Variants in PRKCH observed in about 807,000 individuals in gnomAD.
PRKCH encodes the protein protein kinase C eta, also known as protein kinase C eta type.
PRKCH carries 28 observed loss-of-function variants against 82.5 expected under a neutral mutation model. The ratio of observed to expected loss-of-function variants is 0.34; its 90% CI spans 0.25 to 0.47. The LOEUF is 0.47. PRKCH is among the 20% of genes least tolerant of loss of function. The pLI is 1.00. For synonymous variants in PRKCH, 322 were observed against 327.4 expected, an observed-to-expected ratio of 0.98 and a Z score of 0.18; for missense variants, 705 against 881.8, an observed-to-expected ratio of 0.80 and a Z score of 2.54.
intron 10 of PRKCH, among the ~76,000 whole-genome samples, chr14:61,506,592 C>T (rs556245409): frequency 1.3e-5 from 2 of 152,246 alleles, no homozygotes; most frequent in East Asian, 3.9e-4. Flanking sequence ...TTCAGAATTC[C>T]ATGAAGGATG....
At chr14:61,524,595 A>G (rs1817717380) in intron 10 of PRKCH, among the ~76,000 whole-genome samples, 1 of 152,188 alleles carries the variant, frequency 6.6e-6, no homozygotes, top group Non-Finnish European at 1.5e-5. Context: ...ATTTCAAACT[A>G]AAGTCAGGAG....
At chr14:61,439,225 G>A (rs767955902) in intron 2 of PRKCH, among the ~76,000 whole-genome samples, 6 of 152,112 alleles carry the variant, frequency 3.9e-5, no homozygotes, top group Non-Finnish European at 8.8e-5. Context: ...AACAGGAGGC[G>A]GTGCAAACAA....
intron 1 of PRKCH, among the ~76,000 whole-genome samples, chr14:61,195,618 A>G (rs1475471720): frequency 6.6e-6 from 1 of 152,272 alleles, no homozygotes; most frequent in Non-Finnish European, 1.5e-5. Context: ...CATCCAAATT[A>G]GAATTAAGAA....
At chr14:61,497,194 G>T (rs1886706355) in intron 10 of PRKCH, among the ~76,000 whole-genome samples, 1 of 152,174 alleles carries the variant, frequency 6.6e-6, no homozygotes, top group Non-Finnish European at 1.5e-5. Context: ...TGGGGCTCCT[G>T]AGTAGAATGG....
At chr14:61,340,084 T>A (rs916707642) in intron 1 of PRKCH, among the ~76,000 whole-genome samples, 4 of 141,904 alleles carry the variant, frequency 2.8e-5, no homozygotes, top group Non-Finnish European at 4.7e-5. Flanking sequence ...GGGCACAGTG[T>A]TTTCCTTTCC....
chr14:61,361,382 G>A (rs776649106), intron 1 of PRKCH, among the ~76,000 whole-genome samples: 6 of 152,238 alleles, frequency 3.9e-5, no homozygotes, highest in Admixed American at 1.3e-4. Flanking sequence ...AATTATCACA[G>A]TGTTGTTAGA....
intron 10 of PRKCH, among the ~76,000 whole-genome samples, chr14:61,497,334 G>A (rs1455574170): frequency 6.6e-6 from 1 of 152,126 alleles, no homozygotes; most frequent in East Asian, 1.9e-4. Context: ...CCTGAGGGTG[G>A]TTGTTAGAAT....
Position 61,453,331 on chromosome 14 carries a change from C to A in PRKCH, c.938C>A (p.Pro313His), listed in dbSNP as rs1260415578. Reference protein sequence around the residue: ...AKTLAGMGLQPGNISPTSKLV... With the variant: ...AKTLAGMGLQHGNISPTSKLV... Reference sequence around the variant, plus strand: ...ACCCTGGCAGGGATGGGTCTCCAACCCGGAAATATTTCTCCAACCTCGGTG... The same window carrying A: ...ACCCTGGCAGGGATGGGTCTCCAACACGGAAATATTTCTCCAACCTCGGTG... The change falls in exon 7 of 14, where the codon CCC (proline) becomes CAC (histidine). Residue 313 changes from proline to histidine, a missense_variant. Around this residue, in one of 5 missense-constraint regions of PRKCH, gnomAD observed 238 missense variants for 258.1 expected, o/e 0.92. Coordinates refer to ENST00000332981, the MANE Select transcript of PRKCH (RefSeq NM_006255.5). The A allele has an allele frequency of 1.2e-6, 2 of 1,613,160 alleles. No homozygotes were observed. The highest frequency in any genetic ancestry group is 2.2e-5 in the East Asian group (1 of 44,868).
chr14:61,314,356 T>TA (rs1471045653), intron 1 of PRKCH, among the ~76,000 whole-genome samples: 7 of 152,236 alleles, frequency 4.6e-5, no homozygotes, highest in African/African-American at 1.7e-4. Flanking sequence ...GAAAATATTC[T>TA]AATATGGATA....
intron 10 of PRKCH, among the ~76,000 whole-genome samples, chr14:61,508,108 A>G (rs533426784): frequency 3.3e-5 from 5 of 152,204 alleles, no homozygotes; most frequent in African/African-American, 1.2e-4. Flanking sequence ...TAAAGCAGTT[A>G]TTTTTAAAAA....
At chr14:61,473,519 G>A (rs1885596187) in intron 9 of PRKCH, among the ~76,000 whole-genome samples, 1 of 152,176 alleles carries the variant, frequency 6.6e-6, no homozygotes. Context: ...AGACATGATA[G>A]GACTTTTTAA....
At chr14:61,409,868 G>A (rs60104503) in intron 2 of PRKCH, among the ~76,000 whole-genome samples, 77,522 of 152,092 alleles carry the variant, frequency 0.51, 22,267 homozygotes, top group Non-Finnish European at 0.64. Context: ...ACATTGTCAG[G>A]CAGCATTGCC....
In PRKCH at chr14:61,530,609, AC is replaced by A. The variant is rs770571565; in HGVS notation, c.1761+17del. 1.3e-6 allele frequency: 2 copies of A among 1,578,966 alleles called. No homozygotes were observed. Among genetic ancestry groups the A allele is most frequent in the Admixed American group, 1.8e-5 (1 of 56,698 alleles). On this transcript the variant is annotated intron_variant, in intron 12 of 13. Coordinates refer to ENST00000332981, the MANE Select transcript of PRKCH (RefSeq NM_006255.5). ...ATCCTAAAATCTGTAAGTTTGGCTT[AC>A]CCAGCTAGCTTCTGATGTATTGCAA... is the stretch of plus-strand genomic sequence containing the variant.
intron 9 of PRKCH, among the ~76,000 whole-genome samples, chr14:61,472,847 T>C (rs1885565516): frequency 6.6e-6 from 1 of 152,244 alleles, no homozygotes; most frequent in South Asian, 2.1e-4. Context: ...GGTATTAGTG[T>C]ACTTATCTTG....
chr14:61,474,612 G>A lies in PRKCH; in HGVS notation c.1279-10890G>A, dbSNP rs556427347. On this transcript the variant is annotated intron_variant, in intron 9 of 13. Coordinates refer to ENST00000332981, the MANE Select transcript of PRKCH (RefSeq NM_006255.5). ...AGGAGAAATACCTAATGTAAATGAC[G>A]AGTTGATGGGTACAGCAAACCAACA... Among the ~76,000 whole-genome samples the A allele has an allele frequency of 2.6e-5, 4 of 152,216 alleles. No homozygotes were observed. In the East Asian group the frequency reaches 7.7e-4, roughly 29 times the overall value.
intron 11 of PRKCH, among the ~76,000 whole-genome samples, chr14:61,530,104 G>C (rs2043026088): frequency 6.6e-6 from 1 of 152,050 alleles, no homozygotes; most frequent in Non-Finnish European, 1.5e-5. Context: ...AGTGAACCCA[G>C]TCCCCTTTTT....
intron 1 of PRKCH, among the ~76,000 whole-genome samples, chr14:61,259,818 C>T (rs764527803): frequency 6.6e-6 from 1 of 152,066 alleles, no homozygotes; most frequent in South Asian, 2.1e-4. Flanking sequence ...GTCCATTTTC[C>T]CCGATTTGTT....
intron 1 of PRKCH, among the ~76,000 whole-genome samples, chr14:61,265,225 A>T (rs1459925436): frequency 1.3e-5 from 2 of 152,158 alleles, no homozygotes; most frequent in African/African-American, 2.4e-5. Context: ...TCATGTCTGT[A>T]ATCCCAGCAC....
chr14:61,340,908 A>G (rs542030432), intron 1 of PRKCH, among the ~76,000 whole-genome samples: 3 of 152,212 alleles, frequency 2.0e-5, no homozygotes, highest in Admixed American at 1.3e-4. Flanking sequence ...GTTGATTGCC[A>G]AGTCATGCCA....
Sources: allele counts gnomAD v4.1 joint callset (sites outside exome capture counted in the v4.1 genomes callset), GRCh38; gene constraint gnomAD v4.1.1; regional missense constraint gnomAD v4.1.1; transcripts MANE v1.5; gene names NCBI Gene and HGNC (gene_info 2026-07-23, HGNC 2026-07-21).